FRMD1: variants seen among roughly 807,000 people sequenced by gnomAD.
FRMD1 encodes the protein FERM domain-containing protein 1.
Under a neutral mutation model 54.9 loss-of-function variants are expected in FRMD1, and 51 were observed. The observed-to-expected ratio is 0.93, with a 90% CI of 0.74 to 1.17. The LOEUF (loss-of-function observed/expected upper bound fraction) is 1.17, where lower values mean the gene tolerates loss of function less well. Ranked by LOEUF, FRMD1 falls within the 50% of genes most tolerant of loss-of-function variation. The pLI is 0.00. For missense variants in FRMD1, 729 were observed against 743.0 expected (o/e 0.98, Z 0.22); for synonymous variants, 324 against 306.4 (o/e 1.06, Z -0.60).
intron 4 of FRMD1, chr6:168,066,070 T>A (rs1229005202): frequency 1.0e-6 from 1 of 999,080 alleles, no homozygotes; most frequent in Non-Finnish European, 1.2e-6. Context: ...ACTAGACACC[T>A]GCAGAGTGGG....
rs879746702 is a variant in FRMD1, at chr6:168,055,263, C to G, written c.*1834G>C. ...TGCCCCTGGGGTCTATGGCGTGTGG[C>G]GAAGGTGACTGGCAGGGGAAGCCTG... On this transcript the variant is annotated 3_prime_UTR_variant, in exon 11 of 11. Coordinates refer to ENST00000283309, the MANE Select transcript of FRMD1 (RefSeq NM_024919.6). 6.6e-6 allele frequency: 1 copy of G among 152,642 alleles called. No homozygotes were observed. Among genetic ancestry groups the G allele is most frequent in the African/African-American group, 2.4e-5 (1 of 41,540 alleles). The allele number at this position is 152,642 out of a possible 1,614,324, so 9.5% of individuals were successfully genotyped here.
rs1562406952 is a variant in FRMD1 at position 168,060,768 on chromosome 6, G to A, written c.1335C>T (p.Asp445=). 15 of 1,607,722 alleles carry A rather than the reference G, an allele frequency of 9.3e-6. No individual in the cohort carries two copies. In the African/African-American group the frequency reaches 1.5e-4, roughly 16 times the overall value. ...TSRSHPSTRG[D]SQATRQEPCT... ...CATCTCCCTCGGGCCCACCTTGGCT[G>A]TCACCACGTGTGCTGGGGTGGCTGC... The change falls in exon 9 of 11, where the codon GAC becomes GAT. Residue 445 remains aspartate, a synonymous_variant. Coordinates refer to ENST00000283309, the MANE Select transcript of FRMD1 (RefSeq NM_024919.6).
intron 4 of FRMD1, 183 bp from the exon 5 acceptor site, chr6:168,065,240 C>T: frequency 7.3e-7 from 1 of 1,365,128 alleles, no homozygotes; most frequent in Non-Finnish European, 9.4e-7. Flanking sequence ...GGCCCACACT[C>T]TTCCTGGAGC....
Position 168,087,548 on chromosome 6 carries a change from C to T in FRMD1, c.-11-8524G>A, listed in dbSNP as rs370048525. ...TCGTGAGACGGCTCTGTGGGGAGAA[C>T]GCAGGCTGCTGTCCAGGTGAGGGTG... On this transcript the variant is annotated intron_variant, in intron 1 of 12. Transcript: ENST00000644440. Among the ~76,000 whole-genome samples, 18 of 152,318 alleles carry T rather than the reference C, an allele frequency of 1.2e-4. No individual in the cohort carries two copies. The East Asian group carries it at 1.5e-3, about 13-fold the overall frequency.
chr6:168,064,870 C>T lies in FRMD1; in HGVS notation c.648+1G>A. 4 of 1,559,204 alleles carry T rather than the reference C, an allele frequency of 2.6e-6. No individual in the cohort carries two copies. The highest frequency in any genetic ancestry group is 3.5e-6 in the Non-Finnish European group (4 of 1,151,592). On this transcript the variant is annotated splice_donor_variant, in intron 5 of 10. Coordinates refer to ENST00000283309, the MANE Select transcript of FRMD1 (RefSeq NM_024919.6). LOFTEE classifies it high-confidence loss of function. ...TGGGAGGAGGTGGGCCCTGACCTTA[C>T]CCACTGTGGGAAGTAGGAGTGTGGC... is the stretch of plus-strand genomic sequence containing the variant.
intron 5 of FRMD1, among the ~76,000 whole-genome samples, chr6:168,064,043 C>T (rs1461865135): frequency 1.3e-5 from 2 of 152,240 alleles, no homozygotes; most frequent in Non-Finnish European, 2.9e-5. Context: ...CCCAACGAGC[C>T]CTGGCTCTTG....
chr6:168,075,350 G>C lies in FRMD1; in HGVS notation c.214-15C>G. On this transcript the variant is annotated splice_polypyrimidine_tract_variant and intron_variant, in intron 1 of 10. Transcript: ENST00000283309. ...GTAGCCTTCACCTGCAAAAGAGGTG[G>C]GGAGGGGTTCAGGGAGGGGCCGGCA... The C allele has an allele frequency of 1.2e-6, 2 of 1,608,924 alleles. No individual in the cohort carries two copies. Among genetic ancestry groups the C allele is most frequent in the Non-Finnish European group, 1.7e-6 (2 of 1,177,808 alleles).
chr6:168,089,367 T>G (rs6920748), intron 1 of FRMD1, among the ~76,000 whole-genome samples: 77,306 of 152,090 alleles, frequency 0.51, 20,370 homozygotes, highest in South Asian at 0.71. Context: ...GCTCCTCCTC[T>G]AAGGCCCGTG....
At chr6:168,088,551 C>T (rs1334344165) in intron 1 of FRMD1, among the ~76,000 whole-genome samples, 1 of 152,194 alleles carries the variant, frequency 6.6e-6, no homozygotes, top group Non-Finnish European at 1.5e-5. Context: ...GCTGTTAACT[C>T]AGCACTAAAA....
rs1799486031 is a variant in FRMD1, at chr6:168,057,706, ATTT to A, written c.1408-370_1408-368del. 1.2e-5 allele frequency: 3 copies of A among 242,522 alleles called. No homozygotes were observed. The South Asian group carries it at 1.7e-4, about 14-fold the overall frequency. The allele number at this position is 242,522 out of a possible 1,614,324, so 15.0% of individuals were successfully genotyped here. On this transcript the variant is annotated intron_variant, in intron 10 of 10. Coordinates refer to ENST00000283309, the MANE Select transcript of FRMD1 (RefSeq NM_024919.6). ...CCTCAGTGGTCAAGAACGGCCTCCT[ATTT>A]TATACGGGAGGAAACTGTCTGGGTT...
At chr6:168,058,880 G>A (rs1166326924) in intron 10 of FRMD1, among the ~76,000 whole-genome samples, 3 of 152,096 alleles carry the variant, frequency 2.0e-5, no homozygotes, top group Admixed American at 6.5e-5. Flanking sequence ...CCCCAGGCAG[G>A]ACCCCTCCCT....
At chr6:168,085,611 C>A (rs1800904118), upstream of FRMD1, among the ~76,000 whole-genome samples, 2 of 152,250 alleles carry the variant, frequency 1.3e-5, no homozygotes, top group Admixed American at 1.3e-4. Flanking sequence ...TCTGTGAGAA[C>A]AAAGGGACCA....
In FRMD1 at chr6:168,063,640, C is replaced by T; in HGVS notation, c.765G>A (p.Arg255=). The T allele has an allele frequency of 6.2e-7, 1 of 1,613,504 alleles. No homozygotes were observed. Among genetic ancestry groups the T allele is most frequent in the South Asian group, 1.1e-5 (1 of 91,040 alleles). Residue 255 remains arginine, a synonymous_variant, in exon 6 of 11, where the codon CGG becomes CGA. Transcript: ENST00000283309. ...AMLCFIQEAC[R]LEDVPVHFFR... ...AGAAGTGCACGGGCACGTCCTCCAGCCGGCAGGCCTCCTGGATGAAGCACA... is the reference window on the plus strand; with the variant it reads ...AGAAGTGCACGGGCACGTCCTCCAGTCGGCAGGCCTCCTGGATGAAGCACA...
In FRMD1 at chr6:168,064,992, G is replaced by C; in HGVS notation, c.527C>G (p.Ala176Gly). The change falls in exon 5 of 11, where the codon GCT becomes GGT. Residue 176 changes from alanine (A) to glycine (G), a missense_variant. Transcript: ENST00000283309. ...LKERVLRSQC[A>G]HREEAYFLLA... ...CAGGAAGTAGGCTTCCTCCCGGTGA[G>C]CGCACTGTGACCTCAGCACGCGCTC... 1 of 1,611,968 alleles carries C rather than the reference G, an allele frequency of 6.2e-7. No homozygotes were observed. Among genetic ancestry groups the C allele is most frequent in the Admixed American group, 1.7e-5 (1 of 60,000 alleles).
intron 2 of FRMD1, chr6:168,067,666 A>G (rs1800113067): frequency 2.0e-6 from 1 of 507,564 alleles, no homozygotes; most frequent in Admixed American, 3.8e-5. Context: ...CAATGTTCCA[A>G]CGTGTAGGAA....
rs761807954 is a variant in FRMD1, at chr6:168,079,117, C to G, written c.-23G>C. 1 of 1,573,808 alleles carries G rather than the reference C, an allele frequency of 6.4e-7. No homozygotes were observed. The highest frequency in any genetic ancestry group is 1.1e-5 in the South Asian group (1 of 87,478). On this transcript the variant is annotated 5_prime_UTR_variant, in exon 1 of 11. Transcript: ENST00000283309. ...CATGCTGTCGTTACTCGGCCCTCCC[C>G]CGCCATGGGTCGCAGGTGGGTGCTC...
chr6:168,059,274 GC>G lies in FRMD1; in HGVS notation c.1343-87del. 1 of 1,189,848 alleles carries G rather than the reference GC, an allele frequency of 8.4e-7. No individual in the cohort carries two copies. Among genetic ancestry groups the G allele is most frequent in the Non-Finnish European group, 1.2e-6 (1 of 840,224 alleles). 73.7% of individuals were successfully genotyped at this position (1,189,848 alleles called of 1,614,324 possible). ...CAGGGCAGTTCCCTGCACTTCTGGG[GC>G]CCTGGTCTCGGACCGGCATCTCCTG... On this transcript the variant is annotated intron_variant, in intron 9 of 10. Coordinates refer to ENST00000283309, the MANE Select transcript of FRMD1 (RefSeq NM_024919.6). This position sits in a 1 kb window ranked among gnomAD's most constrained non-coding sequence, Gnocchi z 4.4.
At chr6:168,063,856 G>A (rs1286184120) in intron 5 of FRMD1, 100 bp from the exon 6 acceptor site, 8 of 1,376,612 alleles carry the variant, frequency 5.8e-6, no homozygotes, top group African/African-American at 3.0e-5. Context: ...TCCCACAGCT[G>A]GTGCCAACCT....
At chr6:168,086,241 G>A (rs549461663), upstream of FRMD1, among the ~76,000 whole-genome samples, 14 of 146,304 alleles carry the variant, frequency 9.6e-5, no homozygotes, top group East Asian at 2.5e-3. Flanking sequence ...CATCTTCAGT[G>A]TGGACACCCG....
Sources: allele counts gnomAD v4.1 joint callset (sites outside exome capture counted in the v4.1 genomes callset), GRCh38; gene constraint gnomAD v4.1.1; non-coding constraint Gnocchi (gnomAD v3.1); transcripts MANE v1.5; gene names NCBI Gene and HGNC (gene_info 2026-07-23, HGNC 2026-07-21).